The following BPIFC variants were observed in gnomAD, a reference collection of about 807,000 sequenced individuals.
BPIFC encodes BPI fold-containing family C protein.
Under a neutral mutation model 57.6 loss-of-function variants are expected in BPIFC, and 60 were observed. The ratio of observed to expected loss-of-function variants is 1.04; its 90% CI spans 0.85 to 1.29. The LOEUF (loss-of-function observed/expected upper bound fraction) is 1.29. BPIFC is among the 50% of genes most tolerant of loss of function. The pLI is 0.00. For synonymous variants in BPIFC, 243 were observed against 224.5 expected (o/e 1.08, Z -0.74); for missense variants, 581 against 600.5 (o/e 0.97, Z 0.34).
At chr22:32,450,093 T>TAC (rs59948938) in intron 4 of BPIFC, among the ~76,000 whole-genome samples, 2,813 of 145,482 alleles carry the variant, frequency 0.019, 58 homozygotes, top group East Asian at 0.076. Context: ...TCAAAGAGCA[T>TAC]ACACACACAC....
At chr22:32,435,259 G>C (rs1322100377) in intron 10 of BPIFC, among the ~76,000 whole-genome samples, 2 of 151,836 alleles carry the variant, frequency 1.3e-5, no homozygotes, top group African/African-American at 2.4e-5. Context: ...TGAGTGGTGA[G>C]GTATTAGCAG....
Position 32,457,349 on chromosome 22 carries a change from A to G in BPIFC, c.38T>C (p.Phe13Ser). The G allele has an allele frequency of 6.2e-7, 1 of 1,610,588 alleles. No homozygotes were observed. Among genetic ancestry groups the G allele is most frequent in the Non-Finnish European group, 8.5e-7 (1 of 1,179,002 alleles). The change falls in exon 3 of 17, where the codon TTC becomes TCC. Residue 13 changes from phenylalanine to serine, a missense_variant. Physicochemically the swap from Phe to Ser is radical, Grantham distance 155. Coordinates refer to ENST00000300399, the MANE Select transcript of BPIFC (RefSeq NM_174932.3). ...TGAGACATAGAGATTCCACAGGAGG[A>G]AACATCCCCAGAGGACTGGGATTGT... ...TKTIPVLWGCFLLWNLYVSSS... is the reference protein window; with the variant it reads ...TKTIPVLWGCSLLWNLYVSSS...
chr22:32,415,439 A>T (rs1933644677), intron 16 of BPIFC, among the ~76,000 whole-genome samples: 1 of 152,218 alleles, frequency 6.6e-6, no homozygotes, highest in Admixed American at 6.5e-5. Flanking sequence ...CATAATGATG[A>T]GCCGGAAAAC....
At chr22:32,460,575 A>T (rs1276482734) in intron 2 of BPIFC, among the ~76,000 whole-genome samples, 1 of 152,172 alleles carries the variant, frequency 6.6e-6, no homozygotes, top group African/African-American at 2.4e-5. Flanking sequence ...AGCCAAACTG[A>T]ACTACTGGTC....
intron 3 of BPIFC, 58 bp downstream of exon 3, chr22:32,457,204 TG>T (rs1177064382): frequency 6.4e-7 from 1 of 1,551,354 alleles, no homozygotes; most frequent in Non-Finnish European, 8.6e-7. Flanking sequence ...CTGTTCAGTT[TG>T]GGTCACAGAC....
intron 12 of BPIFC, 25 bp from the exon 13 acceptor site, chr22:32,431,439 A>ATTTATTTATTTATTTTTATTT: frequency 8.2e-6 from 11 of 1,343,058 alleles, no homozygotes; most frequent in Admixed American, 1.8e-5. Flanking sequence ...AGCATTTATT[A>ATTTATTTATTTATTTTTATTT]TTAAGACGAG....
At chr22:32,437,391 A>G (rs913836371) in intron 9 of BPIFC, among the ~76,000 whole-genome samples, 4 of 151,764 alleles carry the variant, frequency 2.6e-5, no homozygotes, top group African/African-American at 9.7e-5. Context: ...TTTTGTTTTC[A>G]TTTTGTTTTG....
chr22:32,454,513 A>G (rs1215205322), intron 3 of BPIFC, among the ~76,000 whole-genome samples: 1 of 152,222 alleles, frequency 6.6e-6, no homozygotes, highest in Non-Finnish European at 1.5e-5. Context: ...CTCTGAGCTC[A>G]TTGGGGAAAA....
At chr22:32,446,765 C>T in intron 5 of BPIFC, 1 of 985,404 alleles carries the variant, frequency 1.0e-6, no homozygotes, top group Non-Finnish European at 1.2e-6. Flanking sequence ...CACGAGGGTG[C>T]AAAGGCCTTC....
At chr22:32,424,738 TTCC>T (rs1439413437) in intron 13 of BPIFC, among the ~76,000 whole-genome samples, 1,410 of 77,544 alleles carry the variant, frequency 0.018, 247 homozygotes, top group African/African-American at 0.058. Context: ...CCTCTTCTTC[TTCC>T]TCTTCTTCTT....
chr22:32,461,999 G>A lies in BPIFC; in HGVS notation c.-88-338C>T, dbSNP rs77819393. On this transcript the variant is annotated intron_variant, in intron 1 of 16. Transcript: ENST00000300399. The stretch of plus-strand genomic sequence containing the variant: ...CCATCCTGGCTAACATGGTGAAACT[G>A]TCTCTACTAAAAATACAAAAATTAA... Among the ~76,000 whole-genome samples the A allele has an allele frequency of 1.0e-3, 152 of 151,712 alleles. 2 individuals carry two copies. The East Asian group carries it at 0.015, about 15-fold the overall frequency.
intron 14 of BPIFC, among the ~76,000 whole-genome samples, chr22:32,419,016 T>C (rs1933760648): frequency 6.6e-6 from 1 of 152,206 alleles, no homozygotes; most frequent in South Asian, 2.1e-4. Context: ...CTTTGGGATA[T>C]GTAACTCTAT....
At chr22:32,448,300 C>G (rs1162784495) in intron 4 of BPIFC, among the ~76,000 whole-genome samples, 2 of 151,912 alleles carry the variant, frequency 1.3e-5, no homozygotes, top group Non-Finnish European at 2.9e-5. Context: ...GATCTCCTGA[C>G]CTGACCTCGT....
At chr22:32,423,409 G>T (rs1369431044) in intron 13 of BPIFC, among the ~76,000 whole-genome samples, 1 of 152,120 alleles carries the variant, frequency 6.6e-6, no homozygotes, top group Admixed American at 6.6e-5. Context: ...GGTGGAGTTG[G>T]GGGGGTCAGC....
intron 1 of BPIFC, among the ~76,000 whole-genome samples, chr22:32,463,598 T>A (rs1021745913): frequency 1.3e-5 from 2 of 152,118 alleles, no homozygotes; most frequent in African/African-American, 4.8e-5. Flanking sequence ...AAGGGAGTAA[T>A]GAATGAGTAA....
At chr22:32,445,544 C>T in intron 7 of BPIFC, 91 bp downstream of exon 7, 1 of 1,317,666 alleles carries the variant, frequency 7.6e-7, no homozygotes, top group Non-Finnish European at 1.1e-6. Context: ...CTCAAAAAAA[C>T]AAACAAACAA....
chr22:32,422,724 T>A (rs1301716941), intron 13 of BPIFC, among the ~76,000 whole-genome samples: 1 of 146,756 alleles, frequency 6.8e-6, no homozygotes. Flanking sequence ...AAAAAGAGAG[T>A]GCGAAAAGAT....
At chr22:32,440,385 T>TCC (rs1264180183) in intron 8 of BPIFC, among the ~76,000 whole-genome samples, 2 of 152,034 alleles carry the variant, frequency 1.3e-5, no homozygotes, top group Non-Finnish European at 2.9e-5. Flanking sequence ...CAAGCAATCC[T>TCC]CCCACCTTGG....
At chr22:32,417,922 T>G (rs1275033203) in intron 14 of BPIFC, among the ~76,000 whole-genome samples, 2 of 151,894 alleles carry the variant, frequency 1.3e-5, no homozygotes, top group African/African-American at 2.4e-5. Context: ...CAGGCTGGAG[T>G]GCAGTGGGTA....
Sources: allele counts gnomAD v4.1 joint callset (sites outside exome capture counted in the v4.1 genomes callset), GRCh38; gene constraint gnomAD v4.1.1; transcripts MANE v1.5; gene names NCBI Gene and HGNC (gene_info 2026-07-23, HGNC 2026-07-21).